CLIP1: variants seen among roughly 807,000 people sequenced by gnomAD.
The protein encoded by CLIP1 is CAP-Gly domain-containing linker protein 1.
Under a neutral mutation model 161.6 loss-of-function variants are expected in CLIP1, and 66 were observed. The ratio of observed to expected loss-of-function variants is 0.41; its 90% confidence interval spans 0.33 to 0.50. The LOEUF is 0.50. Among genes scored for constraint, CLIP1 ranks in the 20% least tolerant of loss-of-function variants. The pLI is 0.27. For missense variants in CLIP1, 1,376 were observed against 1,702.0 expected, an observed-to-expected ratio of 0.81 and a Z score of 3.37; for synonymous variants, 598 against 626.2, an observed-to-expected ratio of 0.96 and a Z score of 0.67.
In CLIP1 at chr12:122,341,548, T is replaced by C; in HGVS notation, c.1656A>G (p.Ile552Met). The change falls in exon 11 of 26, where the codon ATA (isoleucine) becomes ATG (methionine). Residue 552 changes from isoleucine (I) to methionine (M), a missense_variant. By Grantham distance (10) the Ile-to-Met change is conservative. Coordinates refer to ENST00000620786, the MANE Select transcript of CLIP1 (RefSeq NM_001247997.2). ...VDMSLSLLQE[I>M]SSLQEKLEVT... ...CTTCTAACTTTTCTTGCAAAGAGCT[T>C]ATCTCTTGCAAAAGGGAAAGTGACA... 1 of 1,614,098 alleles carries C rather than the reference T, an allele frequency of 6.2e-7. No homozygotes were observed. Among genetic ancestry groups the C allele is most frequent in the Non-Finnish European group, 8.5e-7 (1 of 1,180,016 alleles).
At chr12:122,396,634 T>C (rs912173343) in intron 1 of CLIP1, 2 of 151,714 alleles carry the variant, frequency 1.3e-5, no homozygotes, top group African/African-American at 2.4e-5. Context: ...ACCGAAAGAG[T>C]GAAGAAACAG....
intron 1 of CLIP1, among the ~76,000 whole-genome samples, chr12:122,390,265 CACATATATATAT>C (rs1260908369): frequency 1.7e-4 from 14 of 83,136 alleles, no homozygotes; most frequent in South Asian, 1.5e-3. Context: ...TATATACACA[CACATATATATAT>C]ACATATATAT....
chr12:122,378,054 A>G, intron 2 of CLIP1, 94 bp from the exon 3 acceptor site: 1 of 1,076,054 alleles, frequency 9.3e-7, no homozygotes, highest in Non-Finnish European at 1.4e-6. Context: ...AGCCCACAGG[A>G]GTAGCCCAGA....
chr12:122,372,695 G>C (rs889692021), intron 3 of CLIP1, among the ~76,000 whole-genome samples: 1 of 151,954 alleles, frequency 6.6e-6, no homozygotes, highest in African/African-American at 2.4e-5. Flanking sequence ...TGTTAGAAAC[G>C]ATCTCAAGAT....
intron 17 of CLIP1, 36 bp from the exon 18 acceptor site, chr12:122,319,384 G>A: frequency 1.3e-6 from 2 of 1,504,542 alleles, no homozygotes; most frequent in South Asian, 1.1e-5. Context: ...AATGAGGACA[G>A]CCCTCGCCAA....
At chr12:122,390,031 C>T (rs1280124603) in intron 1 of CLIP1, among the ~76,000 whole-genome samples, 10 of 149,240 alleles carry the variant, frequency 6.7e-5, no homozygotes, top group East Asian at 3.9e-4. Flanking sequence ...TGCCATGTGA[C>T]GCGCCTGTTC....
At chr12:122,277,955 C>A in intron 24 of CLIP1, 199 bp downstream of exon 24, 1 of 597,242 alleles carries the variant, frequency 1.7e-6, no homozygotes, top group African/African-American at 1.9e-5. Flanking sequence ...GGGAACTGAG[C>A]AGAAGAGAGA....
chr12:122,386,335 A>ATGTG (rs1310408316), intron 1 of CLIP1, among the ~76,000 whole-genome samples: 1 of 152,170 alleles, frequency 6.6e-6, no homozygotes, highest in African/African-American at 2.4e-5. Context: ...AATGTTAAGT[A>ATGTG]TGTGTTGCCA....
At chr12:122,387,726 A>G (rs1001713169) in intron 1 of CLIP1, among the ~76,000 whole-genome samples, 35 of 150,162 alleles carry the variant, frequency 2.3e-4, no homozygotes, top group Admixed American at 4.7e-4. Context: ...AGCTGAGACT[A>G]CAGGCACACA....
chr12:122,393,802 T>C (rs1375738000), intron 1 of CLIP1, among the ~76,000 whole-genome samples: 1 of 147,792 alleles, frequency 6.8e-6, no homozygotes, highest in Non-Finnish European at 1.5e-5. Flanking sequence ...GTCCCAGCTA[T>C]TCAGCAGGCT....
At chr12:122,369,867 G>C (rs1424760541) in intron 3 of CLIP1, among the ~76,000 whole-genome samples, 1 of 151,620 alleles carries the variant, frequency 6.6e-6, no homozygotes, top group Non-Finnish European at 1.5e-5. Flanking sequence ...TGGGTGTTTA[G>C]AAACAGCAAA....
At chr12:122,390,318 ATTAT>A (rs1204441692) in intron 1 of CLIP1, among the ~76,000 whole-genome samples, 1 of 136,510 alleles carries the variant, frequency 7.3e-6, no homozygotes, top group African/African-American at 2.7e-5. Flanking sequence ...ATATATATAT[ATTAT>A]TTTTTTTTTA....
intron 20 of CLIP1, among the ~76,000 whole-genome samples, chr12:122,295,462 G>A (rs981885642): frequency 6.6e-6 from 1 of 152,164 alleles, no homozygotes; most frequent in African/African-American, 2.4e-5. Context: ...TTTCTACTGT[G>A]GTAAGGGAAA....
intron 3 of CLIP1, among the ~76,000 whole-genome samples, chr12:122,364,579 A>AT (rs1399778599): frequency 3.3e-5 from 5 of 150,842 alleles, no homozygotes; most frequent in African/African-American, 1.2e-4. Flanking sequence ...TTTTTTTTGT[A>AT]TTTTTTGTGG....
rs11608579 is a variant in CLIP1 at position 122,390,259 on chromosome 12, T to C, written c.-106-9701A>G. Among the ~76,000 whole-genome samples the C allele has an allele frequency of 9.6e-4, 93 of 96,632 alleles. 1 individual carries two copies. The highest frequency in any genetic ancestry group is 5.1e-3 in the Middle Eastern group (1 of 198). The allele number at this position is 96,632 out of a possible 152,430, so 63.4% of individuals were successfully genotyped here. On this transcript the variant is annotated intron_variant, in intron 1 of 25. Coordinates refer to ENST00000620786, the MANE Select transcript of CLIP1 (RefSeq NM_001247997.2). Reference sequence around the variant, plus strand: ...ACACACACATATATATACACATATATACACACACATATATATATACATATA... The same window carrying C: ...ACACACACATATATATACACATATACACACACACATATATATATACATATA...
At chr12:122,369,812 C>T (rs1183290705) in intron 3 of CLIP1, among the ~76,000 whole-genome samples, 1 of 151,412 alleles carries the variant, frequency 6.6e-6, no homozygotes, top group African/African-American at 2.4e-5. Context: ...GGGCACAAAA[C>T]ATCCCAAGCA....
chr12:122,300,698 G>T (rs758798549), intron 20 of CLIP1, among the ~76,000 whole-genome samples: 1 of 152,098 alleles, frequency 6.6e-6, no homozygotes, highest in Non-Finnish European at 1.5e-5. Flanking sequence ...CTGAGTAGCC[G>T]CCCGTATTGA....
chr12:122,332,487 C>A (rs1952024430), intron 15 of CLIP1, among the ~76,000 whole-genome samples: 1 of 152,042 alleles, frequency 6.6e-6, no homozygotes, highest in Non-Finnish European at 1.5e-5. Flanking sequence ...GTGGCACAAT[C>A]TCAGCTCACT....
chr12:122,294,372 C>T (rs981212702), intron 20 of CLIP1, among the ~76,000 whole-genome samples: 10 of 146,712 alleles, frequency 6.8e-5, no homozygotes, highest in African/African-American at 2.5e-4. Context: ...ACTGGAACAA[C>T]CCACTGTCCA....
Sources: gnomAD v4.1 joint callset for allele counts (sites outside exome capture counted in the v4.1 genomes callset) on GRCh38, gnomAD v4.1.1 for gene constraint, MANE v1.5 for transcripts, NCBI Gene and HGNC (gene_info 2026-07-23, HGNC 2026-07-21) for gene names.